NHERF1: variants seen among roughly 807,000 people sequenced by gnomAD.
The protein encoded by NHERF1 is NHERF family PDZ scaffold protein 1, also known as Na(+)/H(+) exchange regulatory cofactor NHE-RF1.
At chr17:74,767,672 A>G in the NHERF1 span, among the ~76,000 whole-genome samples, 1 of 152,094 alleles carries the variant, frequency 6.6e-6, no homozygotes, top group African/African-American at 2.4e-5. Context: ...TCTTCTTTCA[A>G]GGCCCTCCTT....
At chr17:74,762,068 C>T in the NHERF1 span, 1 of 1,614,100 alleles carries the variant, frequency 6.2e-7, no homozygotes, top group Non-Finnish European at 8.5e-7. This position sits in a 1 kb window ranked among gnomAD's most constrained non-coding sequence, Gnocchi z 4.2. Context: ...GCTATGGCTT[C>T]AACCTGCACA....
the NHERF1 span, among the ~76,000 whole-genome samples, chr17:74,759,499 C>CG: frequency 2.3e-3 from 349 of 151,866 alleles, 1 homozygote; most frequent in African/African-American, 6.7e-3. Context: ...CCCTGCCAGC[C>CG]GGGGGGGGCG....
chr17:74,750,229 C>T, the NHERF1 span, among the ~76,000 whole-genome samples: 2 of 152,166 alleles, frequency 1.3e-5, no homozygotes, highest in Non-Finnish European at 2.9e-5. Flanking sequence ...CATGGGATCC[C>T]AGTTTGGATC....
the NHERF1 span, chr17:74,768,871 C>T: frequency 1.7e-6 from 1 of 578,278 alleles, no homozygotes; most frequent in Non-Finnish European, 3.1e-6. Flanking sequence ...GACTCTGCCT[C>T]CCTCCTCCTC....
At chr17:74,762,560 G>GTTTT in the NHERF1 span, among the ~76,000 whole-genome samples, 10 of 147,270 alleles carry the variant, frequency 6.8e-5, no homozygotes, top group Admixed American at 1.3e-4. This position sits in a 1 kb window ranked among gnomAD's most constrained non-coding sequence, Gnocchi z 4.2. Context: ...TATTTATTTA[G>GTTTT]TTTTTTTTTT....
At chr17:74,755,678 A>G in the NHERF1 span, among the ~76,000 whole-genome samples, 2 of 152,054 alleles carry the variant, frequency 1.3e-5, no homozygotes, top group Non-Finnish European at 2.9e-5. Context: ...AGCAATGGCC[A>G]GGGGTATTTA....
At chr17:74,750,010 T>G in the NHERF1 span, among the ~76,000 whole-genome samples, 1 of 152,118 alleles carries the variant, frequency 6.6e-6, no homozygotes, top group Non-Finnish European at 1.5e-5. Flanking sequence ...AGTAAGCGCC[T>G]AGAACTGTAT....
the NHERF1 span, chr17:74,762,261 T>TAATCAAGCCCA: frequency 1.4e-6 from 2 of 1,467,640 alleles, no homozygotes; most frequent in Non-Finnish European, 1.9e-6. The surrounding 1 kb of genome is among the most constrained non-coding windows in gnomAD (Gnocchi z 4.2). Context: ...CATCATGGGC[T>TAATCAAGCCCA]TGATTAGCCC....
At chr17:74,765,251 T>G in the NHERF1 span, among the ~76,000 whole-genome samples, 2 of 152,174 alleles carry the variant, frequency 1.3e-5, no homozygotes, top group South Asian at 2.1e-4. Context: ...TTATTTTCTC[T>G]TTTTTTCTTT....
At chr17:74,748,700 C>T in the NHERF1 span, 6 of 691,656 alleles carry the variant, frequency 8.7e-6, no homozygotes, top group Admixed American at 3.0e-5. The surrounding 1 kb of genome is among the most constrained non-coding windows in gnomAD (Gnocchi z 4.3). Context: ...GCCGACGGTT[C>T]CTGGGACACC....
At chr17:74,762,212 C>T in the NHERF1 span, 1 of 1,608,862 alleles carries the variant, frequency 6.2e-7, no homozygotes, top group Non-Finnish European at 8.5e-7. The surrounding 1 kb of genome is among the most constrained non-coding windows in gnomAD (Gnocchi z 4.2). Flanking sequence ...ACTGCCCCCA[C>T]CCCCTGCAGA....
chr17:74,768,714 T>C, the NHERF1 span: 1 of 1,498,186 alleles, frequency 6.7e-7, no homozygotes, highest in Non-Finnish European at 9.3e-7. Flanking sequence ...CCCCACCTTT[T>C]TCCTTCTCCC....
the NHERF1 span, among the ~76,000 whole-genome samples, chr17:74,750,804 G>T: frequency 9.2e-6 from 1 of 109,112 alleles, no homozygotes; most frequent in African/African-American, 3.7e-5. Flanking sequence ...GTCTCGTTCA[G>T]CTCCTCCCTT....
the NHERF1 span, chr17:74,762,208 C>T: frequency 6.2e-7 from 1 of 1,610,748 alleles, no homozygotes; most frequent in South Asian, 1.1e-5. This position sits in a 1 kb window ranked among gnomAD's most constrained non-coding sequence, Gnocchi z 4.2. Context: ...TCTGACTGCC[C>T]CCACCCCCTG....
At chr17:74,758,248 G>T in the NHERF1 span, among the ~76,000 whole-genome samples, 1 of 152,234 alleles carries the variant, frequency 6.6e-6, no homozygotes, top group Non-Finnish European at 1.5e-5. The surrounding 1 kb of genome is among the most constrained non-coding windows in gnomAD (Gnocchi z 4.3). Flanking sequence ...CCTGGACTGC[G>T]TGGGTGGAGG....
At chr17:74,749,405 G>A in the NHERF1 span, 1 of 1,028,188 alleles carries the variant, frequency 9.7e-7, no homozygotes, top group Non-Finnish European at 1.4e-6. The surrounding 1 kb of genome is among the most constrained non-coding windows in gnomAD (Gnocchi z 5.6). Flanking sequence ...CTCGAGCTGC[G>A]AGGGGGAGAC....
chr17:74,762,452 G>T, the NHERF1 span, among the ~76,000 whole-genome samples: 1 of 152,186 alleles, frequency 6.6e-6, no homozygotes, highest in African/African-American at 2.4e-5. This position sits in a 1 kb window ranked among gnomAD's most constrained non-coding sequence, Gnocchi z 4.2. Flanking sequence ...TTCACCCATC[G>T]ATCAGGGAGA....
the NHERF1 span, among the ~76,000 whole-genome samples, chr17:74,767,728 G>A: frequency 1.4e-3 from 207 of 152,276 alleles, 2 homozygotes; most frequent in Middle Eastern, 6.8e-3. Flanking sequence ...GTCAAATCCT[G>A]GCAAACAGTC....
the NHERF1 span, among the ~76,000 whole-genome samples, chr17:74,755,996 C>T: frequency 6.6e-6 from 1 of 150,508 alleles, no homozygotes; most frequent in Non-Finnish European, 1.5e-5. Flanking sequence ...CTCTGTTGCC[C>T]AGGCTGGAGT....
Sources: allele counts gnomAD v4.1 joint callset (sites outside exome capture counted in the v4.1 genomes callset), GRCh38; gene constraint gnomAD v4.1.1; non-coding constraint Gnocchi (gnomAD v3.1); transcripts MANE v1.5; gene names NCBI Gene and HGNC (gene_info 2026-07-23, HGNC 2026-07-21).